The following DAO variants were observed in gnomAD, a reference collection of about 807,000 sequenced individuals.
DAO encodes D-amino-acid oxidase.
A neutral mutation model predicts 50.1 loss-of-function variants in DAO; 51 were observed. The observed-to-expected ratio is 1.02, with a 90% CI of 0.81 to 1.29. The LOEUF is 1.29. Ranked by LOEUF, DAO falls within the 50% of genes most tolerant of loss-of-function variation. DAO has a pLI of 0.00. For synonymous variants in DAO, 160 were observed against 166.2 expected (o/e 0.96, Z 0.29); for missense variants, 436 against 439.4 (o/e 0.99, Z 0.07).
At chr12:108,885,275 A>C in intron 2 of DAO, 75 bp downstream of exon 2, 1 of 1,407,242 alleles carries the variant, frequency 7.1e-7, no homozygotes, top group Admixed American at 1.7e-5. Context: ...GGTTCCCATC[A>C]CCAAGAGCAA....
At chr12:108,885,674 G>C (rs1276863649) in intron 2 of DAO, among the ~76,000 whole-genome samples, 1 of 152,178 alleles carries the variant, frequency 6.6e-6, no homozygotes, top group Non-Finnish European at 1.5e-5. Context: ...AGGAGGCTTT[G>C]TCTCGTCTTC....
At chr12:108,895,301 A>ATG (rs1176716469) in intron 7 of DAO, among the ~76,000 whole-genome samples, 3 of 148,966 alleles carry the variant, frequency 2.0e-5, no homozygotes, top group Non-Finnish European at 3.0e-5. Context: ...ATGTGTGCAT[A>ATG]TGTGTGTGTG....
Position 108,885,191 on chromosome 12 carries a change from C to T in DAO, c.185C>T (p.Pro62Leu). The change falls in exon 2 of 11, where the codon CCA becomes CTA. Residue 62 changes from proline to leucine, a missense_variant. By Grantham distance (98) the Pro-to-Leu change is moderately conservative. Transcript: ENST00000228476. ...WQPYLSDPNN[P>L]QEADWSQQTF... ...CCCTACCTTTCTGACCCCAACAACC[C>T]ACAGGAGGCGTGAGTGAGGGTCACA... 3 of 1,612,924 alleles carry T rather than the reference C, an allele frequency of 1.9e-6. No individual in the cohort carries two copies. Among genetic ancestry groups the T allele is most frequent in the Non-Finnish European group, 2.5e-6 (3 of 1,179,850 alleles).
chr12:108,880,466 G>GTT, intron 1 of DAO: 1 of 280,586 alleles, frequency 3.6e-6, no homozygotes, highest in East Asian at 8.7e-5. Flanking sequence ...CTCTTACAGC[G>GTT]TGAGTCTGAG....
chr12:108,893,828 T>A (rs1262548276), intron 6 of DAO, among the ~76,000 whole-genome samples: 1 of 152,152 alleles, frequency 6.6e-6, no homozygotes, highest in African/African-American at 2.4e-5. Flanking sequence ...TCTGCAAATG[T>A]CTTGGCAGAG....
intron 10 of DAO, chr12:108,900,027 A>G: frequency 3.1e-6 from 1 of 324,740 alleles, no homozygotes. Flanking sequence ...TACATGAATG[A>G]CCTTATTAAA....
At chr12:108,894,053 G>A (rs1017834979) in intron 6 of DAO, among the ~76,000 whole-genome samples, 4 of 152,142 alleles carry the variant, frequency 2.6e-5, no homozygotes, top group African/African-American at 9.7e-5. Context: ...TGAGAATTAA[G>A]GAGGTAACCA....
intron 1 of DAO, among the ~76,000 whole-genome samples, chr12:108,881,625 A>C (rs1342433444): frequency 2.5e-5 from 1 of 39,942 alleles, no homozygotes; most frequent in African/African-American, 1.1e-4. Context: ...TTTTTTTTTG[A>C]CAGAGTTTCA....
chr12:108,883,812 G>T (rs2039406156), intron 1 of DAO: 5 of 346,350 alleles, frequency 1.4e-5, no homozygotes, highest in Non-Finnish European at 2.3e-5. Flanking sequence ...CTCCAACTTG[G>T]CTTCTGAAAC....
rs984123864 is a variant in DAO, at chr12:108,900,880, A to T, written c.*345A>T. The T allele has an allele frequency of 6.1e-6, 2 of 329,134 alleles. No individual in the cohort carries two copies. The highest frequency in any genetic ancestry group is 4.3e-5 in the African/African-American group (2 of 46,552). The allele number at this position is 329,134 out of a possible 1,614,324, so 20.4% of individuals were successfully genotyped here. On this transcript the variant is annotated 3_prime_UTR_variant, in exon 11 of 11. Transcript: ENST00000228476. ...ATAATTGAGGCTAAGTAACCTGATT[A>T]CAAGTTGTACTAACATATTAAAGGT...
chr12:108,887,432 T>C lies in DAO; in HGVS notation c.195-18T>C. The stretch of plus-strand genomic sequence containing the variant: ...AGCTCAGGGCATTGGGTGATCGAAC[T>C]CTTCATGACCCTTCCAGGGACTGGA... On this transcript the variant is annotated intron_variant, in intron 2 of 10. Transcript: ENST00000228476. 1 of 1,596,194 alleles carries C rather than the reference T, an allele frequency of 6.3e-7. No individual in the cohort carries two copies.
At chr12:108,889,656 G>C in intron 4 of DAO, 111 bp downstream of exon 4, 2 of 831,978 alleles carry the variant, frequency 2.4e-6, no homozygotes, top group Non-Finnish European at 2.0e-6. Flanking sequence ...CCAGGCCCTG[G>C]TACCCTGGTC....
intron 5 of DAO, 56 bp downstream of exon 5, chr12:108,890,329 G>T (rs766768887): frequency 2.2e-6 from 3 of 1,392,078 alleles, no homozygotes; most frequent in Non-Finnish European, 3.1e-6. Context: ...AAGTTGTAGT[G>T]GAAGATGGTT....
intron 4 of DAO, 114 bp downstream of exon 4, chr12:108,889,659 C>T: frequency 1.2e-6 from 1 of 805,004 alleles, no homozygotes; most frequent in Non-Finnish European, 2.1e-6. Flanking sequence ...GGCCCTGGTA[C>T]CCTGGTCTCC....
intron 1 of DAO, chr12:108,883,567 A>T: frequency 2.2e-6 from 1 of 454,946 alleles, no homozygotes; most frequent in Non-Finnish European, 4.4e-6. Context: ...GGTACCAAGA[A>T]CTTTTGCTAA....
rs112489303 is a variant in DAO, at chr12:108,891,582, G to T, written c.452+1309G>T. On this transcript the variant is annotated intron_variant, in intron 5 of 10. Transcript: ENST00000228476. ...GCTGAATTAGAACTTCTGGGATAAG[G>T]TTCATAAATTTGCTTTTTTTCATTT... Among the ~76,000 whole-genome samples the T allele has an allele frequency of 9.3e-4, 142 of 152,054 alleles. 1 individual carries two copies. Among genetic ancestry groups the T allele is most frequent in the African/African-American group, 3.3e-3 (135 of 41,470 alleles).
chr12:108,898,176 T>C (rs1244650372), intron 8 of DAO, among the ~76,000 whole-genome samples: 3 of 152,028 alleles, frequency 2.0e-5, no homozygotes, highest in Non-Finnish European at 4.4e-5. Flanking sequence ...GTAAGAGTTG[T>C]AGAGTGGTGA....
At chr12:108,889,629 C>A (rs189273637) in intron 4 of DAO, 84 bp downstream of exon 4, 181 of 1,093,512 alleles carry the variant, frequency 1.7e-4, no homozygotes, top group Admixed American at 4.5e-4. Context: ...GTAGAGGCAC[C>A]AGATTTCCTG....
intron 1 of DAO, among the ~76,000 whole-genome samples, chr12:108,881,474 A>AAC (rs59694062): frequency 0.094 from 12,964 of 138,432 alleles, 646 homozygotes; most frequent in African/African-American, 0.14. Context: ...TGTATTTTAA[A>AAC]ACACACACAC....
Sources: allele counts gnomAD v4.1 joint callset (sites outside exome capture counted in the v4.1 genomes callset), GRCh38; gene constraint gnomAD v4.1.1; transcripts MANE v1.5; gene names NCBI Gene and HGNC (gene_info 2026-07-23, HGNC 2026-07-21).